Variants in TECPR2 observed in about 807,000 individuals in gnomAD.
TECPR2 encodes tectonin beta-propeller repeat containing 2.
In TECPR2, 65 loss-of-function variants were observed where a neutral mutation model predicts 138.1. The observed-to-expected ratio is 0.47, with a 90% confidence interval of 0.39 to 0.58. The LOEUF (loss-of-function observed/expected upper bound fraction) is 0.58. Ranked by LOEUF, TECPR2 falls within the 20% of genes least tolerant of loss-of-function variation. TECPR2 has a pLI of 0.00. For synonymous variants in TECPR2, 746 were observed against 749.8 expected (o/e 0.99, Z 0.08); for missense variants, 1,553 against 1,824.5 (o/e 0.85, Z 2.71).
chr14:102,493,192 C>A (rs919209850), intron 17 of TECPR2, among the ~76,000 whole-genome samples: 7 of 152,234 alleles, frequency 4.6e-5, no homozygotes, highest in African/African-American at 1.4e-4. Context: ...TGCTTCAAAC[C>A]ACAGCGCGTC....
chr14:102,371,830 A>G (rs1483464094), intron 1 of TECPR2, among the ~76,000 whole-genome samples: 2 of 152,230 alleles, frequency 1.3e-5, no homozygotes, highest in Non-Finnish European at 2.9e-5. Context: ...GTCACTAAAA[A>G]TCACATTCTA....
chr14:102,401,463 A>G (rs1888477157), intron 2 of TECPR2, among the ~76,000 whole-genome samples: 1 of 150,324 alleles, frequency 6.7e-6, no homozygotes, highest in African/African-American at 2.4e-5. Flanking sequence ...AAAACAAAAA[A>G]CAATCCTACT....
chr14:102,481,215 G>A (rs1890886997), intron 17 of TECPR2, among the ~76,000 whole-genome samples: 1 of 151,656 alleles, frequency 6.6e-6, no homozygotes, highest in Non-Finnish European at 1.5e-5. Context: ...TGTTGGCCAG[G>A]CTGGTCTCAA....
intron 2 of TECPR2, among the ~76,000 whole-genome samples, chr14:102,397,226 A>C (rs2139681323): frequency 6.6e-6 from 1 of 152,292 alleles, no homozygotes; most frequent in East Asian, 1.9e-4. Flanking sequence ...CACACACAGA[A>C]TAACAAAACC....
chr14:102,417,819 T>C (rs1278747684), intron 5 of TECPR2, among the ~76,000 whole-genome samples: 10 of 95,044 alleles, frequency 1.1e-4, no homozygotes, highest in Admixed American at 5.7e-4. Context: ...GAGCCTGGCA[T>C]GGGAGTCCAG....
intron 14 of TECPR2, 124 bp downstream of exon 14, chr14:102,449,993 T>C: frequency 1.4e-6 from 2 of 1,391,010 alleles, no homozygotes; most frequent in Non-Finnish European, 9.7e-7. Flanking sequence ...GTATGAAGTG[T>C]CTAGTGGAGG....
chr14:102,491,294 C>A (rs1263627688), intron 17 of TECPR2, among the ~76,000 whole-genome samples: 2 of 152,222 alleles, frequency 1.3e-5, no homozygotes, highest in African/African-American at 4.8e-5. Flanking sequence ...TGGCTTACTG[C>A]AGCCTCAAAC....
intron 1 of TECPR2, among the ~76,000 whole-genome samples, chr14:102,373,168 A>G (rs1225562083): frequency 6.6e-6 from 1 of 151,970 alleles, no homozygotes; most frequent in African/African-American, 2.4e-5. Flanking sequence ...GGAAGTAACT[A>G]TGATGCCTAC....
At chr14:102,497,259 C>T (rs1891308971) in intron 18 of TECPR2, 139 bp downstream of exon 18, 1 of 1,371,094 alleles carries the variant, frequency 7.3e-7, no homozygotes. Flanking sequence ...GCTTCCTGGG[C>T]CAGGGGACAA....
In TECPR2 at chr14:102,465,234, C is replaced by T. The variant is rs374436956; in HGVS notation, c.3734C>T (p.Pro1245Leu). 3 of 1,614,126 alleles carry T rather than the reference C, an allele frequency of 1.9e-6. No homozygotes were observed. The highest frequency in any genetic ancestry group is 1.3e-5 in the African/African-American group (1 of 75,032). ...GTTTACTTCCGTGTAGGGACTCAGC[C>T]TCTCAATCCCAGTCTCATGCTTCCA... ...GGVYFRVGTQ[P>L]LNPSLMLPAW... Residue 1245 changes from proline (P) to leucine (L), a missense_variant, in exon 17 of 20, where the codon CCT becomes CTT. Physicochemically the swap from Pro to Leu is moderately conservative, Grantham distance 98. Transcript: ENST00000359520.
In TECPR2 at chr14:102,445,833, C is replaced by T; in HGVS notation, c.2961C>T (p.Cys987=). 6.2e-7 allele frequency: 1 copy of T among 1,614,002 alleles called. No individual in the cohort carries two copies. Residue 987 remains cysteine (C), a synonymous_variant, in exon 13 of 20, where the codon TGC becomes TGT. Coordinates refer to ENST00000359520, the MANE Select transcript of TECPR2 (RefSeq NM_014844.5). ...AAAGGCAAGCTTTAGAACCCGTCTG[C>T]ATAACGCTCGGGGATCAGCAGACTC... ...VSERQALEPV[C]ITLGDQQTLW...
chr14:102,479,713 CT>C (rs1890844178), intron 17 of TECPR2, among the ~76,000 whole-genome samples: 1 of 152,220 alleles, frequency 6.6e-6, no homozygotes, highest in South Asian at 2.1e-4. Context: ...GGTCTGTAAT[CT>C]CATTAATCTC....
At chr14:102,365,149 A>AT (rs535799072) in intron 1 of TECPR2, among the ~76,000 whole-genome samples, 28 of 152,190 alleles carry the variant, frequency 1.8e-4, no homozygotes, top group Non-Finnish European at 3.5e-4. Context: ...CATTCAACAA[A>AT]CGTGTATTGA....
At chr14:102,445,231 G>C (rs886645587) in intron 12 of TECPR2, among the ~76,000 whole-genome samples, 3 of 152,240 alleles carry the variant, frequency 2.0e-5, no homozygotes, top group African/African-American at 7.2e-5. Context: ...TATGGAAGGA[G>C]GGGGAGGGCG....
At chr14:102,396,374 A>T (rs537280018) in intron 2 of TECPR2, among the ~76,000 whole-genome samples, 1 of 152,318 alleles carries the variant, frequency 6.6e-6, no homozygotes, top group East Asian at 1.9e-4. Context: ...AAATGCTGGG[A>T]TTACAGGCAT....
chr14:102,450,515 T>G, intron 14 of TECPR2, 45 bp from the exon 15 acceptor site: 1 of 1,597,822 alleles, frequency 6.3e-7, no homozygotes, highest in Non-Finnish European at 8.6e-7. Context: ...TGGTTTTGTC[T>G]ATGCTTTCTT....
chr14:102,425,708 T>C (rs1345455572), intron 6 of TECPR2, among the ~76,000 whole-genome samples: 2 of 151,638 alleles, frequency 1.3e-5, no homozygotes, highest in East Asian at 1.9e-4. Flanking sequence ...CCTGAGTAGC[T>C]GGGATTACAG....
At chr14:102,452,800 A>G (rs1890180926) in intron 16 of TECPR2, among the ~76,000 whole-genome samples, 173 bp downstream of exon 16, 1 of 152,186 alleles carries the variant, frequency 6.6e-6, no homozygotes, top group Non-Finnish European at 1.5e-5. Context: ...CAGACTAGAC[A>G]GGCTCTGGGT....
At chr14:102,434,083 G>T in intron 8 of TECPR2, 152 bp from the exon 9 acceptor site, 1 of 664,384 alleles carries the variant, frequency 1.5e-6, no homozygotes, top group Non-Finnish European at 2.1e-6. Context: ...TCTCTTTGTT[G>T]GGATTATTTG....
Sources: gnomAD v4.1 joint callset for allele counts (sites outside exome capture counted in the v4.1 genomes callset) on GRCh38, gnomAD v4.1.1 for gene constraint, MANE v1.5 for transcripts, NCBI Gene and HGNC (gene_info 2026-07-23, HGNC 2026-07-21) for gene names.